The following KLF8 variants were observed in gnomAD, a reference collection of about 807,000 sequenced individuals.
KLF8 encodes the protein Krueppel-like factor 8.
In KLF8, 10 loss-of-function variants were observed where a neutral mutation model predicts 18.2. The observed-to-expected ratio is 0.55, with a 90% CI of 0.34 to 0.93. The LOEUF is 0.93. KLF8 is among the 40% of genes least tolerant of loss of function. The pLI, the probability that KLF8 is intolerant of heterozygous loss-of-function variation, is 0.02. For missense variants in KLF8, 264 were observed against 277.9 expected, an observed-to-expected ratio of 0.95 and a Z score of 0.36; for synonymous variants, 109 against 97.3, an observed-to-expected ratio of 1.12 and a Z score of -0.71.
the KLF8 span, among the ~76,000 whole-genome samples, chrX:56,110,473 A>G: frequency 8.9e-6 from 1 of 111,924 alleles, no homozygotes; most frequent in Non-Finnish European, 1.9e-5. Context: ...GTGACTACTA[A>G]TCGGAAGGAC....
At chrX:56,206,749 C>T in the KLF8 span, among the ~76,000 whole-genome samples, 9 of 112,300 alleles carry the variant, frequency 8.0e-5, no homozygotes, top group South Asian at 1.1e-3. Context: ...GTCTGGAGGA[C>T]GGTGGCCCTC....
chrX:56,022,247 T>C, the KLF8 span, among the ~76,000 whole-genome samples: 3 of 110,767 alleles, frequency 2.7e-5, no homozygotes, highest in African/African-American at 9.9e-5. Context: ...GGAGCCTTTA[T>C]TCAAGAAAAA....
chrX:56,074,492 C>T, the KLF8 span: 1 of 111,615 alleles, frequency 9.0e-6, no homozygotes, highest in East Asian at 2.8e-4. Flanking sequence ...GATCTGACAT[C>T]ATTTTTTAAT....
At chrX:56,084,965 A>T in the KLF8 span, among the ~76,000 whole-genome samples, 1 of 112,154 alleles carries the variant, frequency 8.9e-6, no homozygotes, top group African/African-American at 3.2e-5. Flanking sequence ...AAACCTCCTG[A>T]TTCTAGACAG....
the KLF8 span, among the ~76,000 whole-genome samples, chrX:56,168,542 A>C: frequency 8.9e-6 from 1 of 111,986 alleles, no homozygotes; most frequent in Non-Finnish European, 1.9e-5. Flanking sequence ...GTATATGTGC[A>C]CAACGTGCAG....
chrX:56,161,643 A>T, the KLF8 span, among the ~76,000 whole-genome samples: 1 of 111,006 alleles, frequency 9.0e-6, no homozygotes, highest in African/African-American at 3.3e-5. Flanking sequence ...ACTTCTCTGC[A>T]TTGGTTATTC....
chrX:56,062,592 C>G, the KLF8 span, among the ~76,000 whole-genome samples: 1 of 112,038 alleles, frequency 8.9e-6, no homozygotes, highest in African/African-American at 3.2e-5. Flanking sequence ...GGTAACCACA[C>G]CTTTCTCTCT....
the KLF8 span, among the ~76,000 whole-genome samples, chrX:56,161,651 TTCTAA>T: frequency 8.9e-6 from 1 of 111,778 alleles, no homozygotes; most frequent in Non-Finnish European, 1.9e-5. Flanking sequence ...GCATTGGTTA[TTCTAA>T]TTAGCCATTC....
At chrX:56,219,727 C>T in the KLF8 span, among the ~76,000 whole-genome samples, 1 of 111,444 alleles carries the variant, frequency 9.0e-6, no homozygotes, top group African/African-American at 3.3e-5. Flanking sequence ...TGGCACGTGC[C>T]TGTAATCCCA....
At chrX:56,082,678 C>T in the KLF8 span, among the ~76,000 whole-genome samples, 3 of 111,099 alleles carry the variant, frequency 2.7e-5, no homozygotes, top group African/African-American at 9.8e-5. Flanking sequence ...TTTACCATTT[C>T]TCTCATGGTT....
chrX:56,120,731 G>A, the KLF8 span, among the ~76,000 whole-genome samples: 1 of 111,161 alleles, frequency 9.0e-6, no homozygotes, highest in Admixed American at 9.6e-5. Flanking sequence ...AAGAGAATAT[G>A]CCCCACCTCC....
the KLF8 span, among the ~76,000 whole-genome samples, chrX:55,934,085 G>C: frequency 8.9e-6 from 1 of 112,001 alleles, no homozygotes; most frequent in Non-Finnish European, 1.9e-5. Context: ...CATCCATTTA[G>C]AAATTGTATA....
the KLF8 span, among the ~76,000 whole-genome samples, chrX:56,185,034 G>C: frequency 2.7e-5 from 3 of 112,832 alleles, no homozygotes; most frequent in Non-Finnish European, 5.6e-5. Flanking sequence ...GAATGATTTT[G>C]ACGAGGTCAG....
At chrX:56,226,836 C>T in the KLF8 span, among the ~76,000 whole-genome samples, 1 of 111,987 alleles carries the variant, frequency 8.9e-6, no homozygotes, top group Non-Finnish European at 1.9e-5. Flanking sequence ...GCTGGCCTGA[C>T]TTGAGAAGGG....
At chrX:56,049,422 T>C in the KLF8 span, among the ~76,000 whole-genome samples, 1 of 110,971 alleles carries the variant, frequency 9.0e-6, no homozygotes, top group Admixed American at 9.6e-5. Flanking sequence ...ATAGCTCTTA[T>C]TATTTTGAAA....
the KLF8 span, among the ~76,000 whole-genome samples, chrX:56,221,468 C>T: frequency 8.9e-6 from 1 of 112,236 alleles, no homozygotes; most frequent in Non-Finnish European, 1.9e-5. Flanking sequence ...CTTGGTCTCA[C>T]TGACTTCAAG....
the KLF8 span, among the ~76,000 whole-genome samples, chrX:56,187,681 A>G: frequency 9.0e-6 from 1 of 110,954 alleles, no homozygotes; most frequent in Non-Finnish European, 1.9e-5. Flanking sequence ...CACCATGATC[A>G]AGTGGGCTTC....
the KLF8 span, among the ~76,000 whole-genome samples, chrX:55,978,638 T>C: frequency 1.8e-5 from 2 of 111,736 alleles, no homozygotes; most frequent in Non-Finnish European, 3.8e-5. Flanking sequence ...GAAGACCACA[T>C]GCCTCATTGT....
At chrX:55,985,176 G>A in the KLF8 span, among the ~76,000 whole-genome samples, 4 of 111,450 alleles carry the variant, frequency 3.6e-5, no homozygotes, top group East Asian at 2.8e-4. Flanking sequence ...TGCTCTTGAT[G>A]TTTTCGTCAT....
Sources: allele counts gnomAD v4.1 joint callset (sites outside exome capture counted in the v4.1 genomes callset), GRCh38; gene constraint gnomAD v4.1.1; transcripts MANE v1.5; gene names NCBI Gene and HGNC (gene_info 2026-07-23, HGNC 2026-07-21).